Variants in BCORL1 observed in about 807,000 individuals in gnomAD.
The protein encoded by BCORL1 is BCL6 corepressor like 1.
BCORL1 carries 7 observed loss-of-function variants against 87.6 expected under a neutral mutation model. That is an observed-to-expected ratio of 0.08 (90% CI 0.05 to 0.15). BCORL1 has a LOEUF of 0.15. Among genes scored for constraint, BCORL1 ranks in the 10% least tolerant of loss-of-function variants. The pLI, the probability that BCORL1 is intolerant of heterozygous loss-of-function variation, is 1.00. For missense variants in BCORL1, 1,215 were observed against 1,499.7 expected (o/e 0.81, Z 3.13); for synonymous variants, 591 against 634.4 (o/e 0.93, Z 1.03).
intron 11 of BCORL1, among the ~76,000 whole-genome samples, chrX:130,049,602 C>T (rs1326874180): frequency 8.9e-6 from 1 of 112,452 alleles, no homozygotes; most frequent in Non-Finnish European, 1.9e-5. Context: ...AGGTGATCCA[C>T]CTGCCTCGGC....
chrX:130,020,910 C>A, intron 4 of BCORL1, 75 bp from the exon 5 acceptor site: 1 of 1,054,389 alleles, frequency 9.5e-7, no homozygotes, highest in Non-Finnish European at 1.2e-6. Flanking sequence ...AGAAACGGGA[C>A]ACATGGCTCA....
chrX:130,020,614 A>G (rs1929726275), intron 4 of BCORL1, among the ~76,000 whole-genome samples: 1 of 112,406 alleles, frequency 8.9e-6, no homozygotes, highest in African/African-American at 3.2e-5. Flanking sequence ...TAGTCTCCCA[A>G]CTTGCAGAAG....
chrX:130,020,047 A>G (rs1929686349), intron 4 of BCORL1, among the ~76,000 whole-genome samples: 1 of 112,343 alleles, frequency 8.9e-6, no homozygotes, highest in East Asian at 2.8e-4. Context: ...CGAGGAAGTG[A>G]TTCAGGGAAG....
At chrX:130,052,143 G>A in intron 13 of BCORL1, 127 bp downstream of exon 13, 4 of 649,747 alleles carry the variant, frequency 6.2e-6, no homozygotes, top group Non-Finnish European at 9.0e-6. Flanking sequence ...AGGCTAGCCT[G>A]CCCTTTTAGC....
intron 7 of BCORL1, 127 bp downstream of exon 7, chrX:130,025,506 G>A: frequency 1.6e-6 from 1 of 624,937 alleles, no homozygotes; most frequent in Non-Finnish European, 2.4e-6. Context: ...CCAGCTGCCA[G>A]AGGGGGTCAC....
intron 1 of BCORL1, among the ~76,000 whole-genome samples, chrX:129,997,707 G>T (rs924252059): frequency 2.9e-5 from 3 of 102,803 alleles, no homozygotes; most frequent in African/African-American, 1.1e-4. Context: ...CAGGAGAATC[G>T]CTTGAACCCA....
chrX:130,009,841 G>A (rs988273355), intron 2 of BCORL1, among the ~76,000 whole-genome samples: 1 of 111,029 alleles, frequency 9.0e-6, no homozygotes, highest in Non-Finnish European at 1.9e-5. Context: ...CCTGCCGCCC[G>A]CCTCCGCCAG....
intron 1 of BCORL1, among the ~76,000 whole-genome samples, chrX:129,986,646 C>T (rs1178960317): frequency 9.0e-6 from 1 of 110,640 alleles, no homozygotes; most frequent in African/African-American, 3.3e-5. Flanking sequence ...TGGTGAAACC[C>T]CGTTTCTACT....
chrX:129,995,221 G>A (rs1420283773), intron 1 of BCORL1, among the ~76,000 whole-genome samples: 1 of 110,071 alleles, frequency 9.1e-6, no homozygotes, highest in East Asian at 2.9e-4. Flanking sequence ...GACCAGGATG[G>A]TCTCGAACTC....
chrX:130,036,986 A>G (rs1930984800), intron 9 of BCORL1, among the ~76,000 whole-genome samples: 1 of 112,048 alleles, frequency 8.9e-6, no homozygotes, highest in African/African-American at 3.2e-5. Flanking sequence ...TCTCTATTAA[A>G]AATACGAAAA....
chrX:130,004,916 G>A (rs1254500618), intron 1 of BCORL1, among the ~76,000 whole-genome samples: 1 of 111,907 alleles, frequency 8.9e-6, no homozygotes, highest in Non-Finnish European at 1.9e-5. Context: ...GAAATAGATT[G>A]AATTTCCTCT....
chrX:129,998,111 A>G (rs1357888707), intron 1 of BCORL1, among the ~76,000 whole-genome samples: 1 of 109,402 alleles, frequency 9.1e-6, no homozygotes, highest in Non-Finnish European at 1.9e-5. Context: ...TTTTCCCCCA[A>G]AGTAGGGATA....
upstream of BCORL1, among the ~76,000 whole-genome samples, chrX:129,982,368 C>T (rs1926181263): frequency 8.9e-6 from 1 of 111,745 alleles, no homozygotes; most frequent in Non-Finnish European, 1.9e-5. Context: ...CCAGTGTCAC[C>T]GGGGCTGCTT....
intron 1 of BCORL1, among the ~76,000 whole-genome samples, chrX:129,999,295 ATCT>A (rs1927822310): frequency 1.2e-5 from 1 of 84,435 alleles, no homozygotes; most frequent in African/African-American, 4.5e-5. Flanking sequence ...GTTGAAACAC[ATCT>A]TTTTTTTTTT....
Position 129,986,300 on chromosome X carries a change from G to T in BCORL1, c.-45+3538G>T, listed in dbSNP as rs556251522. 1.1e-3 allele frequency among the ~76,000 whole-genome samples: 127 copies of T among 112,181 alleles called. 2 individuals are homozygous for T. The South Asian group carries it at 0.042, about 38-fold the overall frequency. ...TGGCATAGGGCAGAGAAAAGCTAAGGCCCTGGCAAGCTCTGCTGCTGGAGT... is the reference window on the plus strand; with the variant it reads ...TGGCATAGGGCAGAGAAAAGCTAAGTCCCTGGCAAGCTCTGCTGCTGGAGT... On this transcript the variant is annotated intron_variant, in intron 1 of 13. Coordinates refer to ENST00000540052, the MANE Select transcript of BCORL1 (RefSeq NM_001379451.1).
At chrX:129,998,939 T>C (rs976391106) in intron 1 of BCORL1, among the ~76,000 whole-genome samples, 1 of 111,790 alleles carries the variant, frequency 8.9e-6, no homozygotes, top group Non-Finnish European at 1.9e-5. Context: ...AAGTGGATGC[T>C]CCATCTTGAG....
At chrX:130,027,616 C>T (rs958290395) in intron 7 of BCORL1, among the ~76,000 whole-genome samples, 1 of 112,793 alleles carries the variant, frequency 8.9e-6, no homozygotes, top group Non-Finnish European at 1.9e-5. Context: ...ACGGGCATGG[C>T]TCCACCTCAA....
intron 11 of BCORL1, among the ~76,000 whole-genome samples, chrX:130,046,608 G>A (rs763818417): frequency 7.3e-5 from 8 of 109,679 alleles, no homozygotes; most frequent in African/African-American, 9.9e-5. Flanking sequence ...CTGCAGTGGC[G>A]CGATCTGGGC....
At chrX:129,984,408 G>A (rs1292091952) in intron 1 of BCORL1, among the ~76,000 whole-genome samples, 23 of 110,404 alleles carry the variant, frequency 2.1e-4, no homozygotes, top group Admixed American at 1.8e-3. Context: ...GAGCCCCGGG[G>A]GCCGGGTGCA....
Sources: gnomAD v4.1 joint callset for allele counts (sites outside exome capture counted in the v4.1 genomes callset) on GRCh38, gnomAD v4.1.1 for gene constraint, MANE v1.5 for transcripts, NCBI Gene and HGNC (gene_info 2026-07-23, HGNC 2026-07-21) for gene names.